Variants in ZC3HAV1L observed in about 807,000 individuals in gnomAD.
ZC3HAV1L encodes the protein ZC3HAV1 like.
In ZC3HAV1L, 23 loss-of-function variants were observed where a neutral mutation model predicts 28.2. The observed-to-expected ratio is 0.82, with a 90% CI of 0.59 to 1.16. The LOEUF (loss-of-function observed/expected upper bound fraction) is 1.16. Ranked by LOEUF, ZC3HAV1L falls within the 50% of genes most tolerant of loss-of-function variation. The pLI, the probability that ZC3HAV1L is intolerant of heterozygous loss-of-function variation, is 0.00. For synonymous variants in ZC3HAV1L, 180 were observed against 163.4 expected (o/e 1.10, Z -0.78); for missense variants, 376 against 387.7 (o/e 0.97, Z 0.25).
intron 2 of ZC3HAV1L, chr7:139,033,974 G>C (rs1815615089): frequency 1.0e-5 from 10 of 985,396 alleles, no homozygotes; most frequent in Non-Finnish European, 1.2e-5. Context: ...TCGAAGAAAT[G>C]AAACAGGTTA....
rs1027619024 is a variant in ZC3HAV1L at position 139,026,314 on chromosome 7, T to C, written c.*230A>G. ...CTAGGATTGCCACAATATAAATTGA[T>C]AGAAAAACAATGGTGGACCACAGAA... On this transcript the variant is annotated 3_prime_UTR_variant, in exon 5 of 5. Coordinates refer to ENST00000275766, the MANE Select transcript of ZC3HAV1L (RefSeq NM_080660.4). 1.8e-6 allele frequency: 1 copy of C among 558,302 alleles called. No individual in the cohort carries two copies. Among genetic ancestry groups the C allele is most frequent in the Non-Finnish European group, 3.1e-6 (1 of 327,048 alleles). The allele number at this position is 558,302 out of a possible 1,614,324, so 34.6% of individuals were successfully genotyped here. A position where few individuals can be genotyped will look rare whatever the true frequency, so the allele number is the denominator to read the frequency against.
intron 2 of ZC3HAV1L, among the ~76,000 whole-genome samples, chr7:139,031,205 T>C (rs10280516): frequency 0.48 from 73,613 of 152,026 alleles, 18,314 homozygotes; most frequent in Non-Finnish European, 0.52. Context: ...CCTAGCACTT[T>C]GGGAGACCAA....
downstream of ZC3HAV1L, among the ~76,000 whole-genome samples, chr7:139,024,525 T>A (rs1053740150): frequency 8.5e-5 from 13 of 152,298 alleles, no homozygotes; most frequent in Middle Eastern, 3.4e-3. Flanking sequence ...AAAATTTTTT[T>A]AATTATCACC....
At chr7:139,030,833 ATT>A (rs753365909) in intron 2 of ZC3HAV1L, among the ~76,000 whole-genome samples, 70,158 of 143,336 alleles carry the variant, frequency 0.49, 16,872 homozygotes, top group Non-Finnish European at 0.53. Context: ...AATAATAATA[ATT>A]AATTAATTAA....
At chr7:139,035,575 C>T (rs2130641086) in intron 1 of ZC3HAV1L, 78 bp downstream of exon 1, 1 of 1,341,390 alleles carries the variant, frequency 7.5e-7, no homozygotes, top group Non-Finnish European at 9.5e-7. Context: ...AGCCCCCCTT[C>T]CCGTCGCTCC....
At chr7:139,025,402 C>T (rs1038154919), downstream of ZC3HAV1L, among the ~76,000 whole-genome samples, 1 of 150,412 alleles carries the variant, frequency 6.6e-6, no homozygotes, top group South Asian at 2.1e-4. Context: ...GAGATGAGAT[C>T]GCGCCATTGC....
In ZC3HAV1L at chr7:139,035,634, C is replaced by A; in HGVS notation, c.365+19G>T. 1 of 1,389,434 alleles carries A rather than the reference C, an allele frequency of 7.2e-7. No individual in the cohort carries two copies. The highest frequency in any genetic ancestry group is 1.6e-5 in the South Asian group (1 of 62,068). The allele number at this position is 1,389,434 out of a possible 1,614,324, so 86.1% of individuals were successfully genotyped here. A position where few individuals can be genotyped will look rare whatever the true frequency, so the allele number is the denominator to read the frequency against. On this transcript the variant is annotated intron_variant, in intron 1 of 4. Transcript: ENST00000275766. ...CCGCGGCCAGCGCCCACAGTCCCCG[C>A]CCGCCGCCGCCTTCTCACCAGCAGT...
At chr7:139,021,590 A>G (rs1177841526), downstream of ZC3HAV1L, among the ~76,000 whole-genome samples, 1 of 152,106 alleles carries the variant, frequency 6.6e-6, no homozygotes, top group Non-Finnish European at 1.5e-5. Flanking sequence ...AACCAGGTAG[A>G]GTTTTATCTC....
Position 139,026,689 on chromosome 7 carries a change from G to A in ZC3HAV1L, c.886+19C>T, listed in dbSNP as rs1815361135. 6.2e-7 allele frequency: 1 copy of A among 1,613,386 alleles called. No homozygotes were observed. The highest frequency in any genetic ancestry group is 2.2e-5 in the East Asian group (1 of 44,864). ...TGGACAAGCTTCTTCTTAGTTCACT[G>A]ACCCCCTTTAAGGTTTACCTGGGCA... On this transcript the variant is annotated intron_variant, in intron 4 of 4. Transcript: ENST00000275766.
At chr7:139,029,001 C>CA in intron 2 of ZC3HAV1L, 41 bp from the exon 3 acceptor site, 1 of 1,222,788 alleles carries the variant, frequency 8.2e-7, no homozygotes, top group South Asian at 1.5e-5. Context: ...ATTAGTTTTT[C>CA]TTTTTTTTTT....
Position 139,029,826 on chromosome 7 carries a change from C to T in ZC3HAV1L, c.502-866G>A, listed in dbSNP as rs375570422. On this transcript the variant is annotated intron_variant, in intron 2 of 4. Transcript: ENST00000275766. ...ACAAAGATCTAATTTATGATCCAGA[C>T]GAGGGCATTTTTAGGCTGCAAGGGA... 7.9e-5 allele frequency among the ~76,000 whole-genome samples: 12 copies of T among 152,172 alleles called. No homozygotes were observed. In the South Asian group the frequency reaches 1.5e-3, roughly 18 times the overall value.
intron 3 of ZC3HAV1L, among the ~76,000 whole-genome samples, chr7:139,027,141 G>A (rs960468409): frequency 1.6e-4 from 5 of 30,428 alleles, no homozygotes; most frequent in Admixed American, 5.3e-4. Flanking sequence ...TAAACAGCCC[G>A]ACACTGGTAT....
intron 2 of ZC3HAV1L, among the ~76,000 whole-genome samples, chr7:139,030,562 C>T (rs1815495602): frequency 6.6e-6 from 1 of 150,480 alleles, no homozygotes; most frequent in Admixed American, 6.6e-5. Context: ...GGTGTGGTGG[C>T]TCACACCTGT....
At chr7:139,035,586 C>A in intron 1 of ZC3HAV1L, 67 bp downstream of exon 1, 1 of 1,342,354 alleles carries the variant, frequency 7.4e-7, no homozygotes, top group South Asian at 1.9e-5. Flanking sequence ...CCGTCGCTCC[C>A]GCTTCCAGCA....
chr7:139,033,416 G>A (rs1228472206), intron 2 of ZC3HAV1L, among the ~76,000 whole-genome samples: 1 of 152,064 alleles, frequency 6.6e-6, no homozygotes, highest in African/African-American at 2.4e-5. Context: ...TTTTTATTGA[G>A]AGAGTGGTAA....
chr7:139,032,907 T>C (rs1815576723), intron 2 of ZC3HAV1L, among the ~76,000 whole-genome samples: 1 of 152,058 alleles, frequency 6.6e-6, no homozygotes, highest in Admixed American at 6.5e-5. Context: ...AGAATTCAAC[T>C]ATGAAACTAT....
At chr7:139,027,891 G>T (rs1815401165) in intron 3 of ZC3HAV1L, among the ~76,000 whole-genome samples, 1 of 152,142 alleles carries the variant, frequency 6.6e-6, no homozygotes. Context: ...GTAGATTAGA[G>T]TGAGCAAAAT....
At position 139,036,021 on chromosome 7, in the gene ZC3HAV1L, C is replaced by A; in HGVS notation, c.-4G>T. On this transcript the variant is annotated 5_prime_UTR_variant, in exon 1 of 5. Coordinates refer to ENST00000275766, the MANE Select transcript of ZC3HAV1L (RefSeq NM_080660.4). Reference sequence around the variant, plus strand: ...AGCACACTGTGGGCTCCGCCATGGTCGCTGGCGCGGGCCCTGTGCGCGCGG... The same window carrying A: ...AGCACACTGTGGGCTCCGCCATGGTAGCTGGCGCGGGCCCTGTGCGCGCGG... 1 of 1,501,944 alleles carries A rather than the reference C, an allele frequency of 6.7e-7. No homozygotes were observed. Among genetic ancestry groups the A allele is most frequent in the South Asian group, 1.2e-5 (1 of 80,474 alleles). The allele number at this position is 1,501,944 out of a possible 1,614,324, so 93.0% of individuals were successfully genotyped here.
intron 2 of ZC3HAV1L, among the ~76,000 whole-genome samples, chr7:139,030,820 A>T (rs1161217319): frequency 7.8e-6 from 1 of 127,438 alleles, no homozygotes; most frequent in East Asian, 2.1e-4. Context: ...CTCCATCTCA[A>T]AAAATAATAA....
Sources: allele counts gnomAD v4.1 joint callset (sites outside exome capture counted in the v4.1 genomes callset), GRCh38; gene constraint gnomAD v4.1.1; transcripts MANE v1.5; gene names NCBI Gene and HGNC (gene_info 2026-07-23, HGNC 2026-07-21).